STX8: variants seen among roughly 807,000 people sequenced by gnomAD.
STX8 encodes the protein syntaxin-8.
A neutral mutation model predicts 37.5 loss-of-function variants in STX8; 23 were observed. The observed-to-expected ratio is 0.61, with a 90% CI of 0.44 to 0.87. STX8 has a LOEUF of 0.87. STX8 is among the 40% of genes least tolerant of loss of function. The pLI is 0.00. For synonymous variants in STX8, 115 were observed against 99.1 expected (o/e 1.16, Z -0.95); for missense variants, 313 against 284.7 (o/e 1.10, Z -0.71).
intron 7 of STX8, among the ~76,000 whole-genome samples, chr17:9,315,938 C>T (rs189036845): frequency 7.9e-5 from 12 of 151,630 alleles, no homozygotes; most frequent in East Asian, 3.9e-4. Context: ...GGCTTGAACC[C>T]GGGAGGTAGA....
chr17:9,401,580 T>C (rs1375158415), intron 6 of STX8, among the ~76,000 whole-genome samples: 2 of 152,224 alleles, frequency 1.3e-5, no homozygotes, highest in African/African-American at 2.4e-5. Flanking sequence ...GATTTCAGTC[T>C]GAATGCTTTA....
intron 6 of STX8, among the ~76,000 whole-genome samples, chr17:9,433,733 G>C (rs6503203): frequency 6.6e-6 from 1 of 151,708 alleles, no homozygotes; most frequent in African/African-American, 2.4e-5. Context: ...GAATCCAAAA[G>C]AGTGAAAACT....
intron 6 of STX8, among the ~76,000 whole-genome samples, chr17:9,457,804 A>C (rs1204932130): frequency 6.6e-6 from 1 of 152,240 alleles, no homozygotes; most frequent in Admixed American, 6.5e-5. Context: ...TAGGAAGAAA[A>C]CTTTAGCCAG....
chr17:9,371,948 T>C (rs1474950108), intron 7 of STX8, among the ~76,000 whole-genome samples: 2 of 152,220 alleles, frequency 1.3e-5, no homozygotes, highest in Admixed American at 1.3e-4. Flanking sequence ...TGCTGTGCTG[T>C]TTCCGGGTAT....
At chr17:9,496,109 CTT>C (rs1280093974) in intron 5 of STX8, among the ~76,000 whole-genome samples, 5 of 144,738 alleles carry the variant, frequency 3.5e-5, no homozygotes, top group Non-Finnish European at 6.0e-5. Context: ...GAGTTTCGCT[CTT>C]GTCGCCCAGG....
At chr17:9,554,350 C>T (rs1411850210) in intron 3 of STX8, 1 of 152,266 alleles carries the variant, frequency 6.6e-6, no homozygotes, top group East Asian at 1.9e-4. Context: ...TCATCAGTGA[C>T]TTTCGGTGTA....
At chr17:9,572,325 T>C (rs1907717355) in intron 1 of STX8, among the ~76,000 whole-genome samples, 1 of 152,200 alleles carries the variant, frequency 6.6e-6, no homozygotes, top group Non-Finnish European at 1.5e-5. Context: ...TGCTAGACAC[T>C]GAGGGAGGTG....
Position 9,322,525 on chromosome 17 carries a change from G to T in STX8, c.643+56027C>A, listed in dbSNP as rs559916608. ...CCACAGCCCAGGGGGTGGGACCAGA[G>T]CTCTTAAAGCCACAGATCTCCTCTG... On this transcript the variant is annotated intron_variant, in intron 7 of 7. Coordinates refer to ENST00000306357, the MANE Select transcript of STX8 (RefSeq NM_004853.3). Among the ~76,000 whole-genome samples the T allele has an allele frequency of 7.9e-5, 12 of 152,246 alleles. No homozygotes were observed. In the South Asian group the frequency reaches 2.5e-3, roughly 32 times the overall value.
chr17:9,401,916 ACAC>A (rs1235730926), intron 6 of STX8, among the ~76,000 whole-genome samples: 1 of 152,132 alleles, frequency 6.6e-6, no homozygotes, highest in Non-Finnish European at 1.5e-5. Flanking sequence ...CCTAGTCTTC[ACAC>A]TTCAGACATA....
intron 4 of STX8, among the ~76,000 whole-genome samples, chr17:9,518,982 C>G (rs1180037814): frequency 6.6e-6 from 1 of 152,036 alleles, no homozygotes; most frequent in East Asian, 1.9e-4. Context: ...GAATTCTGAA[C>G]TAGGGGTGGG....
intron 4 of STX8, among the ~76,000 whole-genome samples, chr17:9,508,661 A>G (rs1309568102): frequency 6.6e-6 from 1 of 152,228 alleles, no homozygotes. Flanking sequence ...ATCTTGTGAA[A>G]TAACACAGAA....
intron 6 of STX8, among the ~76,000 whole-genome samples, chr17:9,479,744 C>T (rs1005467059): frequency 1.7e-4 from 26 of 151,726 alleles, no homozygotes; most frequent in African/African-American, 6.1e-4. Context: ...ACATTGAAAC[C>T]ACTGACTCTA....
intron 7 of STX8, among the ~76,000 whole-genome samples, chr17:9,290,581 C>T (rs551061902): frequency 1.1e-4 from 16 of 152,306 alleles, no homozygotes; most frequent in Admixed American, 3.9e-4. Context: ...TCCTTCCCAA[C>T]GGGAGAAAAA....
At chr17:9,303,205 C>T (rs973298038) in intron 7 of STX8, among the ~76,000 whole-genome samples, 8 of 152,174 alleles carry the variant, frequency 5.3e-5, no homozygotes, top group East Asian at 3.9e-4. Flanking sequence ...GCAGGAGAAT[C>T]GCTTGAACCC....
intron 4 of STX8, among the ~76,000 whole-genome samples, chr17:9,511,201 A>G (rs1905009354): frequency 6.6e-6 from 1 of 151,730 alleles, no homozygotes; most frequent in Admixed American, 6.6e-5. Context: ...ATGCATACCA[A>G]TTCTTCTCAA....
At chr17:9,364,812 G>T (rs1383898734) in intron 7 of STX8, among the ~76,000 whole-genome samples, 2 of 152,122 alleles carry the variant, frequency 1.3e-5, no homozygotes, top group Admixed American at 1.3e-4. Flanking sequence ...GAGATTACAG[G>T]CATGAGCTAC....
At chr17:9,321,441 A>G (rs1909573693) in intron 7 of STX8, among the ~76,000 whole-genome samples, 1 of 151,796 alleles carries the variant, frequency 6.6e-6, no homozygotes, top group South Asian at 2.1e-4. Flanking sequence ...GAGGCAGGAG[A>G]ATTGCTTGAA....
chr17:9,559,760 A>ATATATTTTTTTTTTTTTTTTTTT, intron 2 of STX8, among the ~76,000 whole-genome samples: 2 of 24,492 alleles, frequency 8.2e-5, no homozygotes, highest in African/African-American at 3.8e-4. Flanking sequence ...ATATATATAT[A>ATATATTTTTTTTTTTTTTTTTTT]TTTTTTTTTT....
intron 4 of STX8, among the ~76,000 whole-genome samples, chr17:9,533,119 T>A (rs1276362559): frequency 6.6e-6 from 1 of 152,198 alleles, no homozygotes; most frequent in Non-Finnish European, 1.5e-5. Flanking sequence ...TATACAAGAT[T>A]ATCTGTCTGC....
Sources: gnomAD v4.1 joint callset for allele counts (sites outside exome capture counted in the v4.1 genomes callset) on GRCh38, gnomAD v4.1.1 for gene constraint, MANE v1.5 for transcripts, NCBI Gene and HGNC (gene_info 2026-07-23, HGNC 2026-07-21) for gene names.